Variants in KIF20B observed in about 807,000 individuals in gnomAD.
KIF20B encodes the protein kinesin family member 20B, also known as kinesin-like protein KIF20B.
A neutral mutation model predicts 232.5 loss-of-function variants in KIF20B; 188 were observed. The ratio of observed to expected loss-of-function variants is 0.81; its 90% CI spans 0.72 to 0.91. The LOEUF is 0.91. KIF20B is among the 40% of genes least tolerant of loss of function. The probability of loss-of-function intolerance (pLI) is 0.00; values close to 1 mark genes in which losing one functional copy is unlikely to be tolerated. For missense variants in KIF20B, 2,154 were observed against 2,055.9 expected (o/e 1.05, Z -0.92); for synonymous variants, 712 against 683.0 (o/e 1.04, Z -0.66).
chr10:89,729,037 A>G (rs755541498), intron 17 of KIF20B, 91 bp from the exon 18 acceptor site: 35 of 1,127,688 alleles, frequency 3.1e-5, no homozygotes, highest in Non-Finnish European at 4.1e-5. Flanking sequence ...AATTTGAAGG[A>G]ATTATAAAAC....
intron 18 of KIF20B, among the ~76,000 whole-genome samples, chr10:89,731,987 A>C (rs1843330788): frequency 6.6e-6 from 1 of 152,100 alleles, no homozygotes; most frequent in Non-Finnish European, 1.5e-5. Flanking sequence ...TGTTTTTTCA[A>C]ATTGATTGCT....
At chr10:89,771,426 T>A (rs192765794) in intron 31 of KIF20B, among the ~76,000 whole-genome samples, 369 of 152,218 alleles carry the variant, frequency 2.4e-3, no homozygotes, top group African/African-American at 8.2e-3. Flanking sequence ...CTATTTTTTT[T>A]AGGCTGTACC....
chr10:89,767,501 C>A lies in KIF20B; in HGVS notation c.4990-789C>A, dbSNP rs114221304. 4.5e-3 allele frequency among the ~76,000 whole-genome samples: 683 copies of A among 152,106 alleles called. 10 individuals are homozygous for A. Among genetic ancestry groups the A allele is most frequent in the African/African-American group, 0.015 (632 of 41,514 alleles). The stretch of plus-strand genomic sequence containing the variant: ...CTGCTTCTTATGACCCTTATAACTT[C>A]TGCTTTGTAATTTGGATTCTGAGGT... On this transcript the variant is annotated intron_variant, in intron 29 of 32. Transcript: ENST00000371728.
At chr10:89,717,023 G>A (rs1000118225) in intron 9 of KIF20B, among the ~76,000 whole-genome samples, 1 of 152,184 alleles carries the variant, frequency 6.6e-6, no homozygotes, top group Non-Finnish European at 1.5e-5. Flanking sequence ...CCCGTAGTCA[G>A]TTGGGCATGG....
chr10:89,735,806 G>A (rs1185659821), intron 19 of KIF20B, among the ~76,000 whole-genome samples: 1 of 152,054 alleles, frequency 6.6e-6, no homozygotes, highest in African/African-American at 2.4e-5. Context: ...CCAAAGTGCT[G>A]GGATTACAGG....
chr10:89,774,584 G>A lies in KIF20B; in HGVS notation c.*536G>A, dbSNP rs1306669394. 6.6e-6 allele frequency: 1 copy of A among 151,886 alleles called. No individual in the cohort carries two copies. The highest frequency in any genetic ancestry group is 2.4e-5 in the African/African-American group (1 of 41,370). The allele number at this position is 151,886 out of a possible 1,614,324, so 9.4% of individuals were successfully genotyped here. A position where few individuals can be genotyped will look rare whatever the true frequency, so the allele number is the denominator to read the frequency against. On this transcript the variant is annotated 3_prime_UTR_variant, in exon 33 of 33. Coordinates refer to ENST00000371728, the MANE Select transcript of KIF20B (RefSeq NM_001284259.2). ...CATAGTACATGTATATATTTACGGG[G>A]TATGTGAGATGTTTTGACACAGGCA...
At chr10:89,759,577 GTGT>G (rs1842196746) in intron 27 of KIF20B, among the ~76,000 whole-genome samples, 1 of 152,132 alleles carries the variant, frequency 6.6e-6, no homozygotes, top group Non-Finnish European at 1.5e-5. Flanking sequence ...AGGTAGTATT[GTGT>G]TGTTTAATAA....
At chr10:89,744,491 T>C (rs1026289632) in intron 22 of KIF20B, among the ~76,000 whole-genome samples, 2 of 152,166 alleles carry the variant, frequency 1.3e-5, no homozygotes, top group Admixed American at 1.3e-4. Flanking sequence ...TTTTGATAAA[T>C]GTACCATGGT....
intron 14 of KIF20B, 79 bp from the exon 15 acceptor site, chr10:89,724,941 C>T: frequency 7.2e-6 from 10 of 1,390,016 alleles, no homozygotes; most frequent in Middle Eastern, 1.8e-4. Context: ...CTAGAATATA[C>T]TTAAACTTAG....
At chr10:89,765,313 G>C (rs1842333248) in intron 29 of KIF20B, among the ~76,000 whole-genome samples, 1 of 152,186 alleles carries the variant, frequency 6.6e-6, no homozygotes, top group Non-Finnish European at 1.5e-5. Flanking sequence ...AAATACCTAG[G>C]AATCCAACTT....
intron 29 of KIF20B, among the ~76,000 whole-genome samples, chr10:89,764,820 C>A (rs543320270): frequency 6.6e-6 from 1 of 151,878 alleles, no homozygotes; most frequent in Non-Finnish European, 1.5e-5. Flanking sequence ...GAGTAGGTTG[C>A]GAAAATTTTC....
chr10:89,758,272 C>T (rs953672728), intron 26 of KIF20B, among the ~76,000 whole-genome samples: 1 of 151,984 alleles, frequency 6.6e-6, no homozygotes, highest in African/African-American at 2.4e-5. Context: ...TCTCTTTCAG[C>T]AGTATTTTAT....
chr10:89,737,714 A>T lies in KIF20B; in HGVS notation c.2873A>T (p.Glu958Val), dbSNP rs760720747. Residue 958 changes from glutamate (E) to valine (V), a missense_variant, in exon 20 of 33, where the codon GAG (glutamate) becomes GTG (valine). Transcript: ENST00000371728. ...HVQKSKNQEQ[E>V]EKIMKLSNEI... The stretch of plus-strand genomic sequence containing the variant: ...CAGAAAAGTAAAAATCAAGAACAGG[A>T]GGAAAAGATCATGAAATTGTCAAAT... 1.2e-6 allele frequency: 2 copies of T among 1,613,024 alleles called. No individual in the cohort carries two copies. The highest frequency in any genetic ancestry group is 1.7e-6 in the Non-Finnish European group (2 of 1,179,462).
At chr10:89,769,192 C>G (rs939863022) in intron 31 of KIF20B, among the ~76,000 whole-genome samples, 1 of 151,816 alleles carries the variant, frequency 6.6e-6, no homozygotes, top group Admixed American at 6.6e-5. Context: ...GATTAGGGGG[C>G]TTTGGGAAGG....
chr10:89,737,595 A>G lies in KIF20B; in HGVS notation c.2754A>G (p.Glu918=). 6.2e-7 allele frequency: 1 copy of G among 1,604,780 alleles called. No individual in the cohort carries two copies. Among genetic ancestry groups the G allele is most frequent in the Non-Finnish European group, 8.5e-7 (1 of 1,176,592 alleles). Residue 918 remains glutamate, a synonymous_variant, in exon 20 of 33, where the codon GAA becomes GAG. Transcript: ENST00000371728. ...LNKQIVHFQQ[E]LSLSEKKNLT... is the part of the protein sequence containing the mutation. ...AACAGATTGTTCATTTTCAGCAGGA[A>G]CTTTCTCTTTCTGAAAAAAAGAATT...
intron 12 of KIF20B, among the ~76,000 whole-genome samples, chr10:89,719,186 A>G (rs972274428): frequency 6.6e-6 from 1 of 152,180 alleles, no homozygotes; most frequent in Admixed American, 6.5e-5. Context: ...GCTAAGATTA[A>G]TACTGAACAC....
chr10:89,724,080 G>T lies in KIF20B; in HGVS notation c.1839G>T (p.Trp613Cys). 1 of 1,515,998 alleles carries T rather than the reference G, an allele frequency of 6.6e-7. No individual in the cohort carries two copies. The highest frequency in any genetic ancestry group is 1.4e-5 in the African/African-American group (1 of 69,732). The allele number at this position is 1,515,998 out of a possible 1,614,324, so 93.9% of individuals were successfully genotyped here. Reference protein sequence around the residue: ...EEVTQEFTQYWAQREADFKET... With the variant: ...EEVTQEFTQYCAQREADFKET... ...TTACACAGGAGTTTACTCAGTATTGGGCTCAACGGGAAGCTGACTTTAAGT... is the reference window on the plus strand; with the variant it reads ...TTACACAGGAGTTTACTCAGTATTGTGCTCAACGGGAAGCTGACTTTAAGT... Residue 613 changes from tryptophan (W) to cysteine (C), a missense_variant, in exon 14 of 33, where the codon TGG (tryptophan) becomes TGT (cysteine). Transcript: ENST00000371728.
At chr10:89,751,017 T>TTTA (rs750769601) in intron 23 of KIF20B, among the ~76,000 whole-genome samples, 5 of 151,030 alleles carry the variant, frequency 3.3e-5, no homozygotes, top group Non-Finnish European at 7.4e-5. Context: ...AATCCTAAGA[T>TTTA]TTATGTTCAT....
chr10:89,760,766 A>C (rs1423423907), intron 28 of KIF20B, 130 bp downstream of exon 28: 2 of 559,076 alleles, frequency 3.6e-6, no homozygotes, highest in Non-Finnish European at 6.4e-6. Context: ...TGTGTGAAAG[A>C]AACTAGAGGC....
Sources: allele counts gnomAD v4.1 joint callset (sites outside exome capture counted in the v4.1 genomes callset), GRCh38; gene constraint gnomAD v4.1.1; transcripts MANE v1.5; gene names NCBI Gene and HGNC (gene_info 2026-07-23, HGNC 2026-07-21).